The following HSPBAP1 variants were observed in gnomAD, a reference collection of about 807,000 sequenced individuals.
HSPBAP1 encodes the protein HSPB1-associated protein 1.
Under a neutral mutation model 45.2 loss-of-function variants are expected in HSPBAP1, and 27 were observed. That is an observed-to-expected ratio of 0.60 (90% CI 0.44 to 0.82). The LOEUF is 0.82. Among genes scored for constraint, HSPBAP1 ranks in the 40% least tolerant of loss-of-function variants. The pLI is 0.00. For synonymous variants in HSPBAP1, 204 were observed against 202.7 expected (o/e 1.01, Z -0.06); for missense variants, 510 against 590.9 (o/e 0.86, Z 1.42).
intron 4 of HSPBAP1, among the ~76,000 whole-genome samples, chr3:122,758,485 G>C (rs1039565961): frequency 1.8e-4 from 28 of 152,222 alleles, no homozygotes; most frequent in African/African-American, 6.3e-4. Flanking sequence ...GCATCCCTTG[G>C]AGAGGAGCTT....
intron 5 of HSPBAP1, 68 bp from the exon 6 acceptor site, chr3:122,752,742 C>T: frequency 2.8e-6 from 4 of 1,438,198 alleles, no homozygotes; most frequent in Non-Finnish European, 3.8e-6. Context: ...GAATCAGACC[C>T]TAATTGAGGC....
At chr3:122,781,176 C>G (rs1345602470) in intron 1 of HSPBAP1, among the ~76,000 whole-genome samples, 2 of 151,770 alleles carry the variant, frequency 1.3e-5, no homozygotes, top group Admixed American at 6.6e-5. Flanking sequence ...AGGCTGCAAT[C>G]TCGGCACTTT....
Position 122,780,964 on chromosome 3 carries a change from G to A in HSPBAP1, c.65-3058C>T, listed in dbSNP as rs1384961784. On this transcript the variant is annotated intron_variant, in intron 1 of 7. Coordinates refer to ENST00000306103, the MANE Select transcript of HSPBAP1 (RefSeq NM_024610.6). ...CCCACATCTCAGACGATGGGCGGCC[G>A]GGCAGAGACGCTCCTCACTTCCTAG... Among the ~76,000 whole-genome samples, 5 of 140,622 alleles carry A rather than the reference G, an allele frequency of 3.6e-5. 1 individual carries two copies. The highest frequency in any genetic ancestry group is 7.9e-5 in the Non-Finnish European group (5 of 63,130). The allele number at this position is 140,622 out of a possible 152,430, so 92.3% of individuals were successfully genotyped here.
At chr3:122,747,523 C>G (rs530833046) in intron 6 of HSPBAP1, among the ~76,000 whole-genome samples, 12 of 150,494 alleles carry the variant, frequency 8.0e-5, no homozygotes, top group African/African-American at 2.9e-4. Context: ...GCCGCCCCGT[C>G]TCGGAGGGAG....
chr3:122,740,230 A>G lies in HSPBAP1; in HGVS notation c.*115T>C. The G allele has an allele frequency of 3.2e-6, 2 of 626,116 alleles. No individual in the cohort carries two copies. The highest frequency in any genetic ancestry group is 5.0e-6 in the Non-Finnish European group (2 of 400,106). 38.8% of individuals were successfully genotyped at this position (626,116 alleles called of 1,614,324 possible). A position where few individuals can be genotyped will look rare whatever the true frequency, so the allele number is the denominator to read the frequency against. ...GACTGACATGTAATTCGGTAAGGAT[A>G]AATACATTTACAAATGTGCAAACTG... On this transcript the variant is annotated 3_prime_UTR_variant, in exon 8 of 8. Coordinates refer to ENST00000306103, the MANE Select transcript of HSPBAP1 (RefSeq NM_024610.6).
intron 3 of HSPBAP1, among the ~76,000 whole-genome samples, chr3:122,760,400 G>A (rs151289734): frequency 4.6e-5 from 7 of 151,270 alleles, no homozygotes; most frequent in Non-Finnish European, 1.0e-4. Context: ...GCAGAACATC[G>A]TTCTCAATGC....
intron 1 of HSPBAP1, among the ~76,000 whole-genome samples, chr3:122,792,596 C>A (rs1322903356): frequency 1.3e-5 from 2 of 152,102 alleles, no homozygotes; most frequent in Non-Finnish European, 2.9e-5. Flanking sequence ...TGAACCCCAG[C>A]ACCACTCCCT....
intron 6 of HSPBAP1, 81 bp downstream of exon 6, chr3:122,752,510 T>C (rs762830679): frequency 1.2e-6 from 1 of 803,692 alleles, no homozygotes; most frequent in African/African-American, 1.8e-5. Context: ...AATTACCCAG[T>C]TGTACAGCCA....
chr3:122,770,112 C>G (rs929224324), intron 2 of HSPBAP1, among the ~76,000 whole-genome samples: 1 of 152,158 alleles, frequency 6.6e-6, no homozygotes, highest in Non-Finnish European at 1.5e-5. Context: ...TCTTTTCTTA[C>G]GTTTCTGCCT....
chr3:122,751,589 C>T (rs1934137867), intron 6 of HSPBAP1, among the ~76,000 whole-genome samples: 1 of 152,210 alleles, frequency 6.6e-6, no homozygotes, highest in Non-Finnish European at 1.5e-5. Flanking sequence ...GACAGCTCTA[C>T]TCTTTAACAA....
In HSPBAP1 at chr3:122,777,703, G is replaced by A; in HGVS notation, c.250+18C>T. The A allele has an allele frequency of 3.2e-6, 5 of 1,578,630 alleles. No individual in the cohort carries two copies. The highest frequency in any genetic ancestry group is 4.3e-6 in the Non-Finnish European group (5 of 1,152,330). ...GCTCCTGAAGAGACATTATGATGGT[G>A]ATTACCTATAGTCATACCTGTGCTC... is the stretch of plus-strand genomic sequence containing the variant. On this transcript the variant is annotated intron_variant, in intron 2 of 7. Transcript: ENST00000306103.
chr3:122,761,641 G>C (rs926260312), intron 3 of HSPBAP1: 1 of 147,998 alleles, frequency 6.8e-6, no homozygotes, highest in African/African-American at 2.5e-5. Flanking sequence ...TAACAAATTG[G>C]CTGGGCGTGG....
At chr3:122,751,800 C>T (rs1321318580) in intron 6 of HSPBAP1, among the ~76,000 whole-genome samples, 1 of 152,256 alleles carries the variant, frequency 6.6e-6, no homozygotes. Context: ...CAACTCTTCA[C>T]TAAGCCCACA....
intron 6 of HSPBAP1, among the ~76,000 whole-genome samples, chr3:122,748,342 A>G (rs1234844139): frequency 1.3e-5 from 2 of 151,908 alleles, no homozygotes; most frequent in Admixed American, 1.3e-4. Context: ...GACCCTGCCA[A>G]ATCCCCCTCT....
At chr3:122,778,364 C>A (rs556940717) in intron 1 of HSPBAP1, among the ~76,000 whole-genome samples, 1 of 151,626 alleles carries the variant, frequency 6.6e-6, no homozygotes, top group Admixed American at 6.6e-5. Flanking sequence ...CTGAAAAGAA[C>A]AAATTGATTG....
intron 1 of HSPBAP1, among the ~76,000 whole-genome samples, chr3:122,783,480 T>C (rs942050767): frequency 2.5e-4 from 38 of 152,212 alleles, no homozygotes; most frequent in Non-Finnish European, 2.9e-5. Flanking sequence ...ATTTCTCCTC[T>C]ACCCTCTTAA....
intron 1 of HSPBAP1, among the ~76,000 whole-genome samples, chr3:122,790,274 G>A (rs1935784647): frequency 6.6e-6 from 1 of 152,112 alleles, no homozygotes; most frequent in African/African-American, 2.4e-5. Context: ...CGTCACTTCA[G>A]CATTTCTGTT....
intron 1 of HSPBAP1, among the ~76,000 whole-genome samples, chr3:122,779,151 T>C (rs1256558870): frequency 6.6e-6 from 1 of 151,908 alleles, no homozygotes; most frequent in South Asian, 2.1e-4. Flanking sequence ...CAAGCAATTC[T>C]CTGCCTCAGC....
At chr3:122,747,192 C>T (rs1933906079) in intron 6 of HSPBAP1, among the ~76,000 whole-genome samples, 1 of 151,718 alleles carries the variant, frequency 6.6e-6, no homozygotes, top group Non-Finnish European at 1.5e-5. Flanking sequence ...GGCCGCCATC[C>T]CATCTAGGAA....
Sources: gnomAD v4.1 joint callset for allele counts (sites outside exome capture counted in the v4.1 genomes callset) on GRCh38, gnomAD v4.1.1 for gene constraint, MANE v1.5 for transcripts, NCBI Gene and HGNC (gene_info 2026-07-23, HGNC 2026-07-21) for gene names.